SYNPR: variants seen among roughly 807,000 people sequenced by gnomAD.
The protein encoded by SYNPR is synaptoporin.
In SYNPR, 23 loss-of-function variants were observed where a neutral mutation model predicts 32.9. The ratio of observed to expected loss-of-function variants is 0.70; its 90% CI spans 0.50 to 0.99. The LOEUF (loss-of-function observed/expected upper bound fraction) is 0.99, where lower values mean the gene tolerates loss of function less well. SYNPR is among the 50% of genes least tolerant of loss of function. SYNPR has a pLI of 0.00. For missense variants in SYNPR, 318 were observed against 349.3 expected, an observed-to-expected ratio of 0.91 and a Z score of 0.71; for synonymous variants, 146 against 135.9, an observed-to-expected ratio of 1.07 and a Z score of -0.52.
chr3:63,506,542 C>T (rs1245862831), intron 3 of SYNPR, among the ~76,000 whole-genome samples: 2 of 152,110 alleles, frequency 1.3e-5, no homozygotes, highest in Non-Finnish European at 2.9e-5. Flanking sequence ...CATTTACTGG[C>T]CCCCTTTATG....
At chr3:63,375,342 C>A (rs2087873713) in intron 2 of SYNPR, among the ~76,000 whole-genome samples, 1 of 152,136 alleles carries the variant, frequency 6.6e-6, no homozygotes, top group Non-Finnish European at 1.5e-5. Context: ...CAATGATAGA[C>A]TGGATTAAGA....
At chr3:63,260,468 G>C (rs1414051636) in intron 2 of SYNPR, among the ~76,000 whole-genome samples, 1 of 152,182 alleles carries the variant, frequency 6.6e-6, no homozygotes. Flanking sequence ...AAGAAATGGG[G>C]AAAAGATTCT....
chr3:63,384,711 A>G (rs1380046883), intron 2 of SYNPR, among the ~76,000 whole-genome samples: 3 of 152,152 alleles, frequency 2.0e-5, no homozygotes, highest in Non-Finnish European at 1.5e-5. Flanking sequence ...AGCTCGTACT[A>G]TGTGTGTGGG....
chr3:63,576,684 G>T (rs150725889), intron 4 of SYNPR, among the ~76,000 whole-genome samples: 2 of 151,678 alleles, frequency 1.3e-5, no homozygotes, highest in African/African-American at 4.8e-5. Context: ...CCAGCTACTC[G>T]GGAAGTTGAG....
intron 2 of SYNPR, among the ~76,000 whole-genome samples, chr3:63,262,140 C>A (rs1194418739): frequency 6.6e-6 from 1 of 151,558 alleles, no homozygotes; most frequent in Admixed American, 6.6e-5. Context: ...GATGGTTACT[C>A]AACCTAAGTT....
chr3:63,425,816 T>G (rs1460988229), intron 2 of SYNPR, among the ~76,000 whole-genome samples: 1 of 150,748 alleles, frequency 6.6e-6, no homozygotes, highest in Non-Finnish European at 1.5e-5. Context: ...GAAGTCTTAC[T>G]CTGTCACCCA....
intron 2 of SYNPR, among the ~76,000 whole-genome samples, chr3:63,418,336 ATT>A (rs2088567208): frequency 6.6e-6 from 1 of 152,074 alleles, no homozygotes; most frequent in Non-Finnish European, 1.5e-5. Flanking sequence ...ATTATCAGCA[ATT>A]TGGTCAAAGC....
At chr3:63,436,880 C>A (rs901727221) in intron 2 of SYNPR, among the ~76,000 whole-genome samples, 4 of 152,050 alleles carry the variant, frequency 2.6e-5, no homozygotes, top group Non-Finnish European at 5.9e-5. Flanking sequence ...CTTTTCCTTT[C>A]CTTTGTTTCT....
intron 2 of SYNPR, among the ~76,000 whole-genome samples, chr3:63,340,749 G>A (rs1229368501): frequency 6.6e-6 from 1 of 152,094 alleles, no homozygotes; most frequent in Non-Finnish European, 1.5e-5. Context: ...GCAATTTTAG[G>A]TTTACAGAAA....
intron 2 of SYNPR, among the ~76,000 whole-genome samples, chr3:63,395,002 TATGAAA>T (rs2088192966): frequency 1.3e-5 from 2 of 152,164 alleles, no homozygotes; most frequent in African/African-American, 4.8e-5. Context: ...TATACCACCC[TATGAAA>T]AGCAGCGTGC....
intron 3 of SYNPR, among the ~76,000 whole-genome samples, chr3:63,511,586 C>T (rs1469666910): frequency 1.3e-5 from 2 of 152,150 alleles, no homozygotes; most frequent in East Asian, 3.9e-4. Flanking sequence ...CCATGTGGAC[C>T]TGGACCGGAA....
chr3:63,381,152 C>T (rs1214897802), intron 2 of SYNPR, among the ~76,000 whole-genome samples: 1 of 152,170 alleles, frequency 6.6e-6, no homozygotes, highest in Non-Finnish European at 1.5e-5. Context: ...ATTTAGAAAA[C>T]CCCATTGTCT....
chr3:63,423,517 T>C (rs1378118585), intron 2 of SYNPR: 2 of 152,316 alleles, frequency 1.3e-5, no homozygotes, highest in East Asian at 3.8e-4. Flanking sequence ...AAGGTCCAGT[T>C]GGAGGTCTTC....
At chr3:63,609,981 A>ATG (rs1700176944) in intron 5 of SYNPR, among the ~76,000 whole-genome samples, 1 of 151,812 alleles carries the variant, frequency 6.6e-6, no homozygotes, top group South Asian at 2.1e-4. Context: ...ATTTGAGGGC[A>ATG]TACAAGTTCC....
At chr3:63,560,432 G>A (rs1461169054) in intron 4 of SYNPR, among the ~76,000 whole-genome samples, 1 of 152,190 alleles carries the variant, frequency 6.6e-6, no homozygotes, top group African/African-American at 2.4e-5. Context: ...CACAGTAGGA[G>A]CAAGGTCTCA....
intron 4 of SYNPR, among the ~76,000 whole-genome samples, chr3:63,565,416 T>C (rs1013495179): frequency 6.6e-6 from 1 of 152,164 alleles, no homozygotes; most frequent in Non-Finnish European, 1.5e-5. Flanking sequence ...GCCTCCAAGA[T>C]GGTGCGTTGT....
At chr3:63,544,437 A>C (rs944623088) in intron 3 of SYNPR, among the ~76,000 whole-genome samples, 1 of 152,084 alleles carries the variant, frequency 6.6e-6, no homozygotes, top group Non-Finnish European at 1.5e-5. Context: ...ATACCTTTTC[A>C]GTGGTTTAAA....
intron 2 of SYNPR, among the ~76,000 whole-genome samples, chr3:63,350,343 A>C (rs1331141890): frequency 6.6e-6 from 1 of 152,150 alleles, no homozygotes; most frequent in African/African-American, 2.4e-5. Context: ...GCCAGACACC[A>C]ACATCTCACT....
intron 4 of SYNPR, among the ~76,000 whole-genome samples, chr3:63,608,476 G>A (rs889212326): frequency 2.0e-5 from 3 of 152,144 alleles, no homozygotes; most frequent in Non-Finnish European, 4.4e-5. Context: ...CTCACCCATA[G>A]CAGGCACTCA....
Sources: gnomAD v4.1 joint callset for allele counts (sites outside exome capture counted in the v4.1 genomes callset) on GRCh38, gnomAD v4.1.1 for gene constraint, MANE v1.5 for transcripts, NCBI Gene and HGNC (gene_info 2026-07-23, HGNC 2026-07-21) for gene names.